The following ADAMTSL5 variants were observed in gnomAD, a reference collection of about 807,000 sequenced individuals.
ADAMTSL5 encodes ADAMTS-like protein 5.
In ADAMTSL5, 53 loss-of-function variants were observed where a neutral mutation model predicts 51.7. The ratio of observed to expected loss-of-function variants is 1.03; its 90% confidence interval spans 0.82 to 1.29. ADAMTSL5 has a LOEUF of 1.29. ADAMTSL5 is among the 50% of genes most tolerant of loss of function. The pLI is 0.00. For synonymous variants in ADAMTSL5, 285 were observed against 278.7 expected (o/e 1.02, Z -0.23); for missense variants, 770 against 676.2 (o/e 1.14, Z -1.54).
In ADAMTSL5 at chr19:1,506,046, A is replaced by G; in HGVS notation, c.1385T>C (p.Ile462Thr). 6.3e-7 allele frequency: 1 copy of G among 1,587,896 alleles called. No homozygotes were observed. Among genetic ancestry groups the G allele is most frequent in the South Asian group, 1.1e-5 (1 of 88,504 alleles). Residue 462 changes from isoleucine to threonine, a missense_variant, in exon 12 of 12, where the codon ATA becomes ACA. Transcript: ENST00000330475. This position sits in a 1 kb window ranked among gnomAD's most constrained non-coding sequence, Gnocchi z 5.6. ...AGGACAGCGCCGGGCAGTCAGGCGTATGCGGCTGTCCTCCGCAGGGCTCCA... is the reference window on the plus strand; with the variant it reads ...AGGACAGCGCCGGGCAGTCAGGCGTGTGCGGCTGTCCTCCGCAGGGCTCCA... ...RPWSPAEDSRIRLTARRCPG is the reference protein window; with the variant it reads ...RPWSPAEDSRTRLTARRCPG
At chr19:1,509,777 G>C (rs567065399) in intron 5 of ADAMTSL5, among the ~76,000 whole-genome samples, 2 of 152,184 alleles carry the variant, frequency 1.3e-5, no homozygotes, top group Non-Finnish European at 2.9e-5. Context: ...TCCCCATGGC[G>C]TGTGAAGCTG....
rs1385148098 is a variant in ADAMTSL5 at position 1,510,857 on chromosome 19, C to G, written c.87G>C (p.Gly29=). The part of the protein sequence containing the change: ...FLWALLNCGL[G]VSAQGPGEWT... ...TGCCCCCCCTTACCTGAGCACTGAC[C>G]CCCAAACCACAGTTCAGCAGGGCCC... The change falls in exon 2 of 12, where the codon GGG becomes GGC. Residue 29 remains glycine (G), a synonymous_variant. Transcript: ENST00000330475. 6.5e-7 allele frequency: 1 copy of G among 1,542,628 alleles called. No individual in the cohort carries two copies. Among genetic ancestry groups the G allele is most frequent in the Admixed American group, 2.1e-5 (1 of 48,494 alleles).
Position 1,508,464 on chromosome 19 carries a change from GA to G in ADAMTSL5, c.467del (p.Val156AlafsTer54). 1.3e-6 allele frequency: 2 copies of G among 1,573,208 alleles called. No individual in the cohort carries two copies. The highest frequency in any genetic ancestry group is 1.7e-6 in the Non-Finnish European group (2 of 1,166,116). ...TTACAAGGCAGCGGCCAGCCACGCA[GA>G]CCCCCTGGGCACCCGGGCTGCAGGC... ...GTACSPGAQG[V>X]CVAGRCLSAG... On this transcript the variant is annotated frameshift_variant, in exon 6 of 12. Transcript: ENST00000330475. LOFTEE classifies it high-confidence loss of function.
chr19:1,508,028 G>C lies in ADAMTSL5; in HGVS notation c.571C>G (p.Leu191Val). The part of the protein sequence containing the change: ...GRCGGANDSC[L>V]FVQRVFRDAG... ...TCACGAAACACGCGCTGCACGAAAA[G>C]GCACGAGTCGTTGGCGCCTCCGCAG... The change falls in exon 7 of 12, where the codon CTT (leucine) becomes GTT (valine). Residue 191 changes from leucine to valine, a missense_variant. Physicochemically the swap from Leu to Val is conservative, Grantham distance 32. Transcript: ENST00000330475. The C allele has an allele frequency of 1.9e-6, 3 of 1,607,116 alleles. No homozygotes were observed. Among genetic ancestry groups the C allele is most frequent in the South Asian group, 1.1e-5 (1 of 89,982 alleles).
chr19:1,509,622 A>AAGGGAGGG (rs1555693309), intron 5 of ADAMTSL5, among the ~76,000 whole-genome samples: 53 of 120,752 alleles, frequency 4.4e-4, no homozygotes, highest in East Asian at 2.8e-3. Flanking sequence ...GGAAGGAAGG[A>AAGGGAGGG]AGGGAGGGAG....
rs1912892611 is a variant in ADAMTSL5 at position 1,505,927 on chromosome 19, A to C, written c.*88T>G. On this transcript the variant is annotated 3_prime_UTR_variant, in exon 12 of 12. Coordinates refer to ENST00000330475, the MANE Select transcript of ADAMTSL5 (RefSeq NM_213604.3). ...TGGGACGTATTTCAGAGCTGCCTGG[A>C]AGCCAGGGTGAGAGGGGAAATACGT... 1 of 1,418,132 alleles carries C rather than the reference A, an allele frequency of 7.1e-7. No individual in the cohort carries two copies. Among genetic ancestry groups the C allele is most frequent in the African/African-American group, 1.4e-5 (1 of 69,230 alleles). 87.8% of individuals were successfully genotyped at this position (1,418,132 alleles called of 1,614,324 possible). A position where few individuals can be genotyped will look rare whatever the true frequency, so the allele number is the denominator to read the frequency against.
chr19:1,508,716 G>C, intron 5 of ADAMTSL5, 146 bp from the exon 6 acceptor site: 1 of 1,186,540 alleles, frequency 8.4e-7, no homozygotes, highest in Non-Finnish European at 1.1e-6. Flanking sequence ...GGCAGAGCCA[G>C]GACTGGACCG....
At position 1,510,384 on chromosome 19, in the gene ADAMTSL5, C is replaced by A. The variant is rs758342918; in HGVS notation, c.236G>T (p.Arg79Leu). 5.6e-6 allele frequency: 9 copies of A among 1,613,272 alleles called. No individual in the cohort carries two copies. Reference sequence around the variant, plus strand: ...AGGGCTTACTGGCAACTGGCAGAGGCGGTACTCATGGGAGTCTCCCCAGCA... The same window carrying A: ...AGGGCTTACTGGCAACTGGCAGAGGAGGTACTCATGGGAGTCTCCCCAGCA... ...EPCWGDSHEYRLCQLPDCPPG... is the reference protein window; with the variant it reads ...EPCWGDSHEYLLCQLPDCPPG... Residue 79 changes from arginine (R) to leucine (L), a missense_variant, in exon 4 of 12, where the codon CGC becomes CTC. Arg to Leu is a moderately radical substitution (Grantham distance 102). Transcript: ENST00000330475.
intron 7 of ADAMTSL5, 46 bp downstream of exon 7, chr19:1,507,952 G>A: frequency 6.6e-7 from 1 of 1,525,638 alleles, no homozygotes; most frequent in Non-Finnish European, 8.9e-7. Context: ...GCTCGTTAAA[G>A]GGCCCACTCT....
rs748198402 is a variant in ADAMTSL5 at position 1,507,618 on chromosome 19, C to T, written c.627G>A (p.Val209=). ...GTCTGGCGCCCTCGGGGATCAGGGT[C>T]ACGTTCCAGTACCCAGCGAAGGCAC... The part of the protein sequence containing the change: ...DAGAFAGYWN[V]TLIPEGARHI... The change falls in exon 8 of 12, where the codon GTG becomes GTA. Residue 209 remains valine (V), a synonymous_variant. Transcript: ENST00000330475. 6.2e-6 allele frequency: 10 copies of T among 1,613,402 alleles called. No individual in the cohort carries two copies. The Admixed American group carries it at 1.7e-4, about 27-fold the overall frequency.
intron 7 of ADAMTSL5, 64 bp from the exon 8 acceptor site, chr19:1,507,707 G>A: frequency 4.0e-6 from 6 of 1,500,648 alleles, no homozygotes; most frequent in South Asian, 1.1e-5. Context: ...ATGACTTGAG[G>A]ATTTAATGAG....
chr19:1,506,767 G>T lies in ADAMTSL5; in HGVS notation c.1014C>A (p.Thr338=), dbSNP rs1727086591. 6.4e-7 allele frequency: 1 copy of T among 1,551,368 alleles called. No individual in the cohort carries two copies. The highest frequency in any genetic ancestry group is 1.2e-5 in the South Asian group (1 of 84,324). Residue 338 remains threonine (T), a synonymous_variant, in exon 10 of 12, where the codon ACC becomes ACA. Transcript: ENST00000330475. This position sits in a 1 kb window ranked among gnomAD's most constrained non-coding sequence, Gnocchi z 5.6. The stretch of plus-strand genomic sequence containing the variant: ...GGGCCAGCGTTGGGGTCTGTGCAGG[G>T]GTGACAGCAGGGGCTGCGGGGGGCT... The part of the protein sequence containing the change: ...EPQPPAAPAV[T]PAQTPTLAPD...
At chr19:1,508,185 G>T in intron 6 of ADAMTSL5, 76 bp from the exon 7 acceptor site, 1 of 1,455,534 alleles carries the variant, frequency 6.9e-7, no homozygotes, top group Non-Finnish European at 9.4e-7. Flanking sequence ...GTGCCTGGGA[G>T]CAAGAGGACG....
In ADAMTSL5 at chr19:1,510,673, G is replaced by T; in HGVS notation, c.157C>A (p.Arg53Ser). 1 of 1,542,082 alleles carries T rather than the reference G, an allele frequency of 6.5e-7. No individual in the cohort carries two copies. Among genetic ancestry groups the T allele is most frequent in the Middle Eastern group, 2.1e-4 (1 of 4,742 alleles). ...CGCCGGCTGCGCACAGAGACGCCAC[G>T]CCCGCAGGAGCTGGAGCAGCGGGTC... is the stretch of plus-strand genomic sequence containing the variant. ...SWTRCSSSCG[R>S]GVSVRSRRCL... is the part of the protein sequence containing the mutation. Residue 53 changes from arginine to serine, a missense_variant, in exon 3 of 12, where the codon CGT becomes AGT. Transcript: ENST00000330475.
chr19:1,508,267 C>G (rs1002818313), intron 6 of ADAMTSL5, 158 bp from the exon 7 acceptor site: 899 of 1,195,480 alleles, frequency 7.5e-4, no homozygotes, highest in Non-Finnish European at 9.9e-4. Context: ...GGGCTTGGCG[C>G]CCGGGAGTGG....
At chr19:1,511,500 C>G in intron 1 of ADAMTSL5, 1 of 1,165,822 alleles carries the variant, frequency 8.6e-7, no homozygotes, top group Non-Finnish European at 1.1e-6. Context: ...GTGTATTGTG[C>G]TATAATGCAG....
At chr19:1,510,520 C>A (rs571755940) in intron 3 of ADAMTSL5, 92 bp from the exon 4 acceptor site, 3 of 1,504,688 alleles carry the variant, frequency 2.0e-6, no homozygotes, top group Admixed American at 2.0e-5. Flanking sequence ...CACCCGCATT[C>A]CAGCGGGATC....
chr19:1,507,042 C>T (rs1181645055), intron 9 of ADAMTSL5, 114 bp from the exon 10 acceptor site: 2 of 1,328,170 alleles, frequency 1.5e-6, no homozygotes, highest in African/African-American at 3.0e-5. Context: ...CAGCCTCCCT[C>T]CTCTGATGCT....
At chr19:1,512,676 T>A (rs1241261757) in intron 1 of ADAMTSL5, among the ~76,000 whole-genome samples, 1 of 150,526 alleles carries the variant, frequency 6.6e-6, no homozygotes, top group African/African-American at 2.5e-5. Context: ...TGAGACTCAG[T>A]CTCAAAAACA....
Sources: allele counts gnomAD v4.1 joint callset (sites outside exome capture counted in the v4.1 genomes callset), GRCh38; gene constraint gnomAD v4.1.1; non-coding constraint Gnocchi (gnomAD v3.1); transcripts MANE v1.5; gene names NCBI Gene and HGNC (gene_info 2026-07-23, HGNC 2026-07-21).